NOX4: variants seen among roughly 807,000 people sequenced by gnomAD.
NOX4 encodes the protein kidney oxidase-1.
In NOX4, 69 loss-of-function variants were observed where a neutral mutation model predicts 87.6. The ratio of observed to expected loss-of-function variants is 0.79; its 90% CI spans 0.65 to 0.96. The LOEUF (loss-of-function observed/expected upper bound fraction) is 0.96. Ranked by LOEUF, NOX4 falls within the 40% of genes least tolerant of loss-of-function variation. The pLI is 0.00. For synonymous variants in NOX4, 275 were observed against 238.2 expected, an observed-to-expected ratio of 1.15 and a Z score of -1.42; for missense variants, 680 against 681.5, an observed-to-expected ratio of 1.00 and a Z score of 0.02.
chr11:89,424,793 T>C (rs1943286316), intron 7 of NOX4, among the ~76,000 whole-genome samples: 1 of 152,078 alleles, frequency 6.6e-6, no homozygotes, highest in Admixed American at 6.6e-5. Context: ...TACATTTCAC[T>C]ATCAGAAATC....
At chr11:89,355,318 T>G (rs1391494066) in intron 12 of NOX4, among the ~76,000 whole-genome samples, 2 of 147,500 alleles carry the variant, frequency 1.4e-5, no homozygotes, top group Non-Finnish European at 3.0e-5. Flanking sequence ...ATAAATAATA[T>G]ATATTCATAT....
At position 89,332,954 on chromosome 11, in the gene NOX4, C is replaced by T. The variant is rs573630353; in HGVS notation, c.1616+2891G>A. On this transcript the variant is annotated intron_variant, in intron 17 of 17. Coordinates refer to ENST00000263317, the MANE Select transcript of NOX4 (RefSeq NM_016931.5). ...AAAAGAAAGGAATGACTGTCACACACATGTGGAAAGTAAATTAATTCTGAC... is the reference window on the plus strand; with the variant it reads ...AAAAGAAAGGAATGACTGTCACACATATGTGGAAAGTAAATTAATTCTGAC... Among the ~76,000 whole-genome samples, 8 of 151,916 alleles carry T rather than the reference C, an allele frequency of 5.3e-5. No homozygotes were observed. In the South Asian group the frequency reaches 1.7e-3, roughly 31 times the overall value.
chr11:89,440,945 C>T (rs962929809), intron 5 of NOX4, among the ~76,000 whole-genome samples: 5 of 152,136 alleles, frequency 3.3e-5, no homozygotes, highest in Admixed American at 6.5e-5. Context: ...AGGCAAAATA[C>T]TGGATGACTC....
the NOX4 span, among the ~76,000 whole-genome samples, chr11:89,574,198 CTGCCATGCTCA>C: frequency 6.6e-6 from 1 of 152,148 alleles, no homozygotes; most frequent in Non-Finnish European, 1.5e-5. Context: ...CAGCCCTCTC[CTGCCATGCTCA>C]TGCCTGTCTA....
intron 13 of NOX4, among the ~76,000 whole-genome samples, chr11:89,343,023 C>T (rs758944266): frequency 3.9e-5 from 6 of 152,050 alleles, no homozygotes; most frequent in Non-Finnish European, 8.8e-5. Flanking sequence ...ATATTTTGGC[C>T]ACTGCCCCCT....
the NOX4 span, among the ~76,000 whole-genome samples, chr11:89,521,323 G>A: frequency 2.6e-5 from 4 of 152,048 alleles, no homozygotes; most frequent in Admixed American, 6.5e-5. Context: ...AGTACCAGTA[G>A]AAAAACAGAC....
At chr11:89,550,610 G>A in the NOX4 span, among the ~76,000 whole-genome samples, 20 of 152,072 alleles carry the variant, frequency 1.3e-4, no homozygotes, top group Non-Finnish European at 2.8e-4. Context: ...AGAAGTGTGT[G>A]TTCATATCCT....
the NOX4 span, among the ~76,000 whole-genome samples, chr11:89,569,439 A>G: frequency 6.6e-6 from 1 of 152,220 alleles, no homozygotes; most frequent in Non-Finnish European, 1.5e-5. Flanking sequence ...ACACTCAGCC[A>G]ACAAGCATAT....
chr11:89,435,708 G>T (rs906024395), intron 6 of NOX4, among the ~76,000 whole-genome samples: 1 of 151,950 alleles, frequency 6.6e-6, no homozygotes, highest in Non-Finnish European at 1.5e-5. Flanking sequence ...AAATAGAAGG[G>T]CCAGACGACC....
chr11:89,346,356 T>C (rs535547155), intron 13 of NOX4, among the ~76,000 whole-genome samples: 206 of 152,186 alleles, frequency 1.4e-3, no homozygotes, highest in African/African-American at 3.6e-3. Context: ...CATAAAATAA[T>C]CATGCTAACA....
In NOX4 at chr11:89,373,358, T is replaced by C. The variant is rs540131519; in HGVS notation, c.1135+74A>G. 5.4e-5 allele frequency: 47 copies of C among 871,596 alleles called. No homozygotes were observed. The East Asian group carries it at 5.8e-4, about 11-fold the overall frequency. 54.0% of individuals were successfully genotyped at this position (871,596 alleles called of 1,614,324 possible). On this transcript the variant is annotated intron_variant, in intron 12 of 17. Coordinates refer to ENST00000263317, the MANE Select transcript of NOX4 (RefSeq NM_016931.5). ...ACATCTCTATACATGCTGGTAGTTA[T>C]ATTAAAACACATTCAAATTATTACA...
intron 2 of NOX4, among the ~76,000 whole-genome samples, chr11:89,476,799 G>C (rs562739372): frequency 2.2e-4 from 34 of 152,154 alleles, no homozygotes; most frequent in African/African-American, 7.7e-4. Context: ...TTGGTAGCAA[G>C]AAACAAAAGA....
intron 5 of NOX4, among the ~76,000 whole-genome samples, chr11:89,442,230 A>G (rs999253838): frequency 6.6e-6 from 1 of 151,774 alleles, no homozygotes; most frequent in African/African-American, 2.4e-5. Context: ...TTGAGTTGCC[A>G]TTTTCATCCC....
chr11:89,335,751 A>G (rs1361508600), intron 17 of NOX4, 94 bp downstream of exon 17: 1 of 583,294 alleles, frequency 1.7e-6, no homozygotes, highest in Non-Finnish European at 2.9e-6. Flanking sequence ...TGGTAAACTC[A>G]TTGCCAATTC....
chr11:89,368,339 T>A (rs1591039897), intron 12 of NOX4, among the ~76,000 whole-genome samples: 1 of 152,218 alleles, frequency 6.6e-6, no homozygotes, highest in African/African-American at 2.4e-5. Flanking sequence ...TTGTCTTTGT[T>A]AGAGAGCTGC....
chr11:89,333,260 T>C (rs1945553251), intron 17 of NOX4, among the ~76,000 whole-genome samples: 1 of 151,850 alleles, frequency 6.6e-6, no homozygotes, highest in Non-Finnish European at 1.5e-5. Context: ...TAGCTCGTTC[T>C]TCCTAGCAAA....
At chr11:89,329,130 G>A (rs1378493507) in intron 17 of NOX4, among the ~76,000 whole-genome samples, 1 of 151,886 alleles carries the variant, frequency 6.6e-6, no homozygotes, top group Non-Finnish European at 1.5e-5. Context: ...TTGAAGCAGT[G>A]ATGATACACA....
At chr11:89,425,123 T>C (rs1328345552) in intron 7 of NOX4, among the ~76,000 whole-genome samples, 1 of 152,086 alleles carries the variant, frequency 6.6e-6, no homozygotes, top group Non-Finnish European at 1.5e-5. Flanking sequence ...GTATGTCAGA[T>C]GCTCTAATTT....
At chr11:89,520,595 C>A in the NOX4 span, among the ~76,000 whole-genome samples, 3,717 of 152,192 alleles carry the variant, frequency 0.024, 68 homozygotes, top group Non-Finnish European at 0.037. Flanking sequence ...ACACCCCACA[C>A]TGAATGGGCA....
Sources: gnomAD v4.1 joint callset for allele counts (sites outside exome capture counted in the v4.1 genomes callset) on GRCh38, gnomAD v4.1.1 for gene constraint, MANE v1.5 for transcripts, NCBI Gene and HGNC (gene_info 2026-07-23, HGNC 2026-07-21) for gene names.